The following HHIPL1 variants were observed in gnomAD, a reference collection of about 807,000 sequenced individuals.
HHIPL1 encodes HHIP-like protein 1.
Under a neutral mutation model 61.8 loss-of-function variants are expected in HHIPL1, and 43 were observed. The ratio of observed to expected loss-of-function variants is 0.70; its 90% CI spans 0.55 to 0.90. The LOEUF is 0.90. HHIPL1 is among the 40% of genes least tolerant of loss of function. The pLI, the probability that HHIPL1 is intolerant of heterozygous loss-of-function variation, is 0.00. For missense variants in HHIPL1, 1,056 were observed against 1,157.7 expected (o/e 0.91, Z 1.28); for synonymous variants, 482 against 515.8 (o/e 0.93, Z 0.89).
upstream of HHIPL1, among the ~76,000 whole-genome samples, chr14:99,640,877 C>CTTTTTTTT (rs59137552): frequency 1.7e-3 from 122 of 69,868 alleles, 10 homozygotes; most frequent in African/African-American, 2.5e-3. Context: ...ACTTCTTCTT[C>CTTTTTTTT]TTTTTTTTTT....
the HHIPL1 span, among the ~76,000 whole-genome samples, chr14:99,621,709 CTTTTTTTT>C: frequency 1.2e-5 from 1 of 84,536 alleles, no homozygotes; most frequent in Non-Finnish European, 2.1e-5. Context: ...CTTTTCTTTT[CTTTTTTTT>C]TTTTTTTTTT....
chr14:99,640,877 C>CTTTTTTTTTTTTTTT (rs59137552), upstream of HHIPL1, among the ~76,000 whole-genome samples: 8 of 69,872 alleles, frequency 1.1e-4, no homozygotes, highest in Admixed American at 1.8e-4. Context: ...ACTTCTTCTT[C>CTTTTTTTTTTTTTTT]TTTTTTTTTT....
At chr14:99,614,733 A>G in the HHIPL1 span, among the ~76,000 whole-genome samples, 1 of 152,142 alleles carries the variant, frequency 6.6e-6, no homozygotes, top group Non-Finnish European at 1.5e-5. Context: ...CAGATTCCCC[A>G]AATAATCCTC....
chr14:99,607,021 C>CTTTTTTTTTTTTT, the HHIPL1 span, among the ~76,000 whole-genome samples: 2 of 68,424 alleles, frequency 2.9e-5, no homozygotes, highest in African/African-American at 6.6e-5. Flanking sequence ...GTGACTTTGC[C>CTTTTTTTTTTTTT]TTTTTTTTTT....
At chr14:99,646,799 TA>T (rs1431136993) in intron 1 of HHIPL1, among the ~76,000 whole-genome samples, 1 of 93,012 alleles carries the variant, frequency 1.1e-5, no homozygotes, top group African/African-American at 4.3e-5. Context: ...TATAATATGA[TA>T]TGATATGATA....
intron 7 of HHIPL1, among the ~76,000 whole-genome samples, chr14:99,670,774 A>T (rs1011518146): frequency 6.6e-6 from 1 of 152,170 alleles, no homozygotes; most frequent in African/African-American, 2.4e-5. Context: ...CGTTGCAAAC[A>T]TCGCCCTCCA....
chr14:99,665,925 G>A (rs2056237620), intron 6 of HHIPL1, among the ~76,000 whole-genome samples: 1 of 152,098 alleles, frequency 6.6e-6, no homozygotes, highest in Admixed American at 6.5e-5. Context: ...AGGACTATAG[G>A]TGCGCACCAC....
At chr14:99,657,918 TACAC>T (rs996260465) in intron 3 of HHIPL1, among the ~76,000 whole-genome samples, 51 of 151,410 alleles carry the variant, frequency 3.4e-4, no homozygotes, top group African/African-American at 1.1e-3. Flanking sequence ...TACACACACA[TACAC>T]ACATACATAC....
In HHIPL1 at chr14:99,668,843, G is replaced by C; in HGVS notation, c.1730+540G>C. 1 of 1,613,880 alleles carries C rather than the reference G, an allele frequency of 6.2e-7. No homozygotes were observed. Among genetic ancestry groups the C allele is most frequent in the Non-Finnish European group, 8.5e-7 (1 of 1,180,028 alleles). Reference sequence around the variant, plus strand: ...GGCTTCCCTTCTAGCTGTAAGGCCAGAAGCGCCATGCCCGGCTATGTCCCA... The same window carrying C: ...GGCTTCCCTTCTAGCTGTAAGGCCACAAGCGCCATGCCCGGCTATGTCCCA... On this transcript the variant is annotated intron_variant, in intron 7 of 8. Transcript: ENST00000330710. The surrounding 1 kb of genome is among the most constrained non-coding windows in gnomAD (Gnocchi z 4.7).
At chr14:99,618,456 C>T in the HHIPL1 span, among the ~76,000 whole-genome samples, 1 of 152,224 alleles carries the variant, frequency 6.6e-6, no homozygotes, top group Non-Finnish European at 1.5e-5. Context: ...CTGGGCTCCA[C>T]ACTGAGGGCT....
rs1243594930 is a variant in HHIPL1 at position 99,668,052 on chromosome 14, C to A, written c.1649-170C>A. Among the ~76,000 whole-genome samples, 4 of 152,216 alleles carry A rather than the reference C, an allele frequency of 2.6e-5. 1 individual carries two copies. Among genetic ancestry groups the A allele is most frequent in the Admixed American group, 2.0e-4 (3 of 15,288 alleles). On this transcript the variant is annotated intron_variant, in intron 6 of 8. Coordinates refer to ENST00000330710, the MANE Select transcript of HHIPL1 (RefSeq NM_001127258.3). The surrounding 1 kb of genome is among the most constrained non-coding windows in gnomAD (Gnocchi z 4.7). ...CAACCCAACTCCTCACCCAGCCTCA[C>A]TTCCTCTTTCTGGGGACTGGACAGC...
Position 99,677,551 on chromosome 14 carries a change from C to T in HHIPL1, c.*1925C>T, listed in dbSNP as rs1234878034. On this transcript the variant is annotated 3_prime_UTR_variant, in exon 9 of 9. Coordinates refer to ENST00000330710, the MANE Select transcript of HHIPL1 (RefSeq NM_001127258.3). The surrounding 1 kb of genome is among the most constrained non-coding windows in gnomAD (Gnocchi z 4.3). ...TAGGAGATAGCAGGCCGTTAATGACCATCCCAGCCGAATTCCTCACTGTGC... is the reference window on the plus strand; with the variant it reads ...TAGGAGATAGCAGGCCGTTAATGACTATCCCAGCCGAATTCCTCACTGTGC... 1.3e-5 allele frequency: 2 copies of T among 152,254 alleles called. No individual in the cohort carries two copies. The highest frequency in any genetic ancestry group is 2.4e-5 in the African/African-American group (1 of 41,440). The allele number at this position is 152,254 out of a possible 1,614,324, so 9.4% of individuals were successfully genotyped here.
At chr14:99,650,358 C>T (rs1195857430) in intron 1 of HHIPL1, among the ~76,000 whole-genome samples, 2 of 152,342 alleles carry the variant, frequency 1.3e-5, no homozygotes, top group Non-Finnish European at 2.9e-5. Flanking sequence ...CTCTGGGGGC[C>T]CAGAGCTGAC....
At chr14:99,669,287 C>T in intron 7 of HHIPL1, 1 of 1,038,890 alleles carries the variant, frequency 9.6e-7, no homozygotes, top group Non-Finnish European at 1.2e-6. Flanking sequence ...AGCTGCTTCT[C>T]AGCCCTTAGA....
the HHIPL1 span, among the ~76,000 whole-genome samples, chr14:99,606,237 G>A: frequency 2.0e-5 from 3 of 152,202 alleles, no homozygotes; most frequent in African/African-American, 7.2e-5. Flanking sequence ...CAGCTCCTGA[G>A]GGGAGGGGAC....
intron 7 of HHIPL1, among the ~76,000 whole-genome samples, chr14:99,671,917 G>A (rs539222869): frequency 6.6e-6 from 1 of 152,226 alleles, no homozygotes; most frequent in African/African-American, 2.4e-5. Flanking sequence ...AGGCTGTAGG[G>A]CTGGTGGGAG....
At chr14:99,667,769 G>A (rs1303275928) in intron 6 of HHIPL1, among the ~76,000 whole-genome samples, 2 of 152,214 alleles carry the variant, frequency 1.3e-5, no homozygotes, top group Admixed American at 1.3e-4. Flanking sequence ...GCCCAATGAG[G>A]CATGCCCATT....
At chr14:99,614,845 G>A in the HHIPL1 span, among the ~76,000 whole-genome samples, 9 of 152,140 alleles carry the variant, frequency 5.9e-5, no homozygotes, top group South Asian at 8.3e-4. Flanking sequence ...TTTTTGTCCC[G>A]TATCTAATGG....
chr14:99,646,767 C>A (rs2055840458), intron 1 of HHIPL1, among the ~76,000 whole-genome samples: 1 of 149,506 alleles, frequency 6.7e-6, no homozygotes, highest in Admixed American at 6.7e-5. Flanking sequence ...GAGCAAGACT[C>A]CGTCTCAAAA....
Sources: allele counts gnomAD v4.1 joint callset (sites outside exome capture counted in the v4.1 genomes callset), GRCh38; gene constraint gnomAD v4.1.1; non-coding constraint Gnocchi (gnomAD v3.1); transcripts MANE v1.5; gene names NCBI Gene and HGNC (gene_info 2026-07-23, HGNC 2026-07-21).